SLC24A3: variants seen among roughly 807,000 people sequenced by gnomAD.
SLC24A3 encodes sodium/potassium/calcium exchanger 3.
SLC24A3 carries 28 observed loss-of-function variants against 75.8 expected under a neutral mutation model. The observed-to-expected ratio is 0.37, with a 90% CI of 0.27 to 0.51. The LOEUF (loss-of-function observed/expected upper bound fraction) is 0.51. SLC24A3 is among the 20% of genes least tolerant of loss of function. The pLI is 0.94. For synonymous variants in SLC24A3, 372 were observed against 334.1 expected, an observed-to-expected ratio of 1.11 and a Z score of -1.24; for missense variants, 663 against 847.8, an observed-to-expected ratio of 0.78 and a Z score of 2.71.
At chr20:19,301,231 T>C (rs1984188993) in intron 2 of SLC24A3, among the ~76,000 whole-genome samples, 1 of 152,106 alleles carries the variant, frequency 6.6e-6, no homozygotes, top group Admixed American at 6.5e-5. Flanking sequence ...AATGTGAAAA[T>C]GCATGTGAAA....
chr20:19,228,954 G>A (rs1981942892), intron 1 of SLC24A3, among the ~76,000 whole-genome samples: 1 of 152,020 alleles, frequency 6.6e-6, no homozygotes, highest in Non-Finnish European at 1.5e-5. Context: ...TCTATGTTCT[G>A]GAATATTTTA....
intron 2 of SLC24A3, among the ~76,000 whole-genome samples, chr20:19,431,285 G>C (rs1076718): frequency 2.0e-5 from 3 of 151,960 alleles, no homozygotes; most frequent in Non-Finnish European, 4.4e-5. Context: ...CCTATAAAGA[G>C]GGCAAGGGAG....
chr20:19,321,128 G>A (rs941814255), intron 2 of SLC24A3, among the ~76,000 whole-genome samples: 4 of 151,880 alleles, frequency 2.6e-5, no homozygotes, highest in Non-Finnish European at 5.9e-5. Flanking sequence ...TTACTTTTTT[G>A]TGTGAAAGCG....
intron 1 of SLC24A3, among the ~76,000 whole-genome samples, chr20:19,241,338 C>A (rs1255865818): frequency 1.3e-5 from 2 of 152,174 alleles, no homozygotes. Flanking sequence ...GGTTTGTGCA[C>A]ACAATACTCG....
intron 1 of SLC24A3, among the ~76,000 whole-genome samples, chr20:19,275,383 G>A (rs1205556316): frequency 6.6e-6 from 1 of 152,206 alleles, no homozygotes; most frequent in Admixed American, 6.5e-5. Context: ...TGCTGATGAT[G>A]CAGCAAACTT....
At chr20:19,663,423 T>TCTA (rs2032355900) in intron 7 of SLC24A3, among the ~76,000 whole-genome samples, 1 of 16,906 alleles carries the variant, frequency 5.9e-5, no homozygotes, top group Non-Finnish European at 9.8e-5. Context: ...CTCCTCCTCC[T>TCTA]CCTCCTCCTC....
chr20:19,381,717 C>T (rs994778175), intron 2 of SLC24A3, among the ~76,000 whole-genome samples: 3 of 152,212 alleles, frequency 2.0e-5, no homozygotes, highest in African/African-American at 4.8e-5. Context: ...CTCCCAACTA[C>T]GGTTTCAGCA....
chr20:19,579,667 G>C (rs2031191153), intron 3 of SLC24A3, among the ~76,000 whole-genome samples: 1 of 152,156 alleles, frequency 6.6e-6, no homozygotes, highest in Non-Finnish European at 1.5e-5. Context: ...TTTGAGCAGG[G>C]ACCTGAAGGG....
chr20:19,585,110 T>G (rs1659501526), intron 5 of SLC24A3, 55 bp downstream of exon 5: 1 of 1,501,012 alleles, frequency 6.7e-7, no homozygotes, highest in African/African-American at 1.4e-5. Flanking sequence ...GGAAAAGGGC[T>G]CTGGGAATGG....
At chr20:19,647,484 T>A (rs1407012741) in intron 6 of SLC24A3, among the ~76,000 whole-genome samples, 1 of 152,218 alleles carries the variant, frequency 6.6e-6, no homozygotes, top group Non-Finnish European at 1.5e-5. Flanking sequence ...TGAATGCAGA[T>A]ATCCTTACAC....
intron 2 of SLC24A3, among the ~76,000 whole-genome samples, chr20:19,354,838 T>C (rs6046012): frequency 0.54 from 81,369 of 151,916 alleles, 23,397 homozygotes; most frequent in African/African-American, 0.75. Flanking sequence ...ATGGTACAGC[T>C]ACCTTGGAAA....
At chr20:19,603,343 G>C (rs758052030) in intron 6 of SLC24A3, among the ~76,000 whole-genome samples, 1 of 152,134 alleles carries the variant, frequency 6.6e-6, no homozygotes, top group Non-Finnish European at 1.5e-5. Context: ...GCTGAATTTT[G>C]GCATCTTCAA....
chr20:19,325,827 GA>G (rs1984844858), intron 2 of SLC24A3, among the ~76,000 whole-genome samples: 1 of 108,300 alleles, frequency 9.2e-6, no homozygotes, highest in East Asian at 2.2e-4. Context: ...GAGAGAGAGA[GA>G]GAGAGAGAGA....
chr20:19,509,877 C>T (rs191093277), intron 2 of SLC24A3, among the ~76,000 whole-genome samples: 1 of 152,070 alleles, frequency 6.6e-6, no homozygotes, highest in Admixed American at 6.5e-5. Flanking sequence ...TGGCCAAAGC[C>T]ACACTTTGGA....
chr20:19,602,726 T>C (rs2122654682), intron 6 of SLC24A3, among the ~76,000 whole-genome samples: 1 of 152,264 alleles, frequency 6.6e-6, no homozygotes, highest in African/African-American at 2.4e-5. Flanking sequence ...GAGTCTCTCA[T>C]CACGTACATG....
intron 2 of SLC24A3, among the ~76,000 whole-genome samples, chr20:19,483,292 T>G (rs1988085713): frequency 6.6e-6 from 1 of 152,206 alleles, no homozygotes. Flanking sequence ...AGCAGATTTT[T>G]TACTGAGCTT....
intron 1 of SLC24A3, among the ~76,000 whole-genome samples, chr20:19,277,251 A>C (rs1161215715): frequency 6.6e-6 from 1 of 152,052 alleles, no homozygotes; most frequent in Non-Finnish European, 1.5e-5. Flanking sequence ...CCTTATTTAC[A>C]AAATGGAACT....
intron 3 of SLC24A3, among the ~76,000 whole-genome samples, chr20:19,533,279 C>G (rs1251853344): frequency 6.6e-6 from 1 of 152,194 alleles, no homozygotes; most frequent in Non-Finnish European, 1.5e-5. Flanking sequence ...TGGCTTCTCT[C>G]TCTAACAGAG....
chr20:19,492,186 A>G (rs559144435), intron 2 of SLC24A3, among the ~76,000 whole-genome samples: 25 of 152,258 alleles, frequency 1.6e-4, no homozygotes, highest in African/African-American at 5.8e-4. Context: ...AAGGCCATGG[A>G]TATTCTTCTT....
Sources: gnomAD v4.1 joint callset for allele counts (sites outside exome capture counted in the v4.1 genomes callset) on GRCh38, gnomAD v4.1.1 for gene constraint, MANE v1.5 for transcripts, NCBI Gene and HGNC (gene_info 2026-07-23, HGNC 2026-07-21) for gene names.